NPTN: variants seen among roughly 807,000 people sequenced by gnomAD.
NPTN encodes SDR-1.
In NPTN, 5 loss-of-function variants were observed where a neutral mutation model predicts 42.7. That is an observed-to-expected ratio of 0.12 (90% confidence interval 0.06 to 0.25). NPTN has a LOEUF of 0.25. NPTN is among the 10% of genes least tolerant of loss of function. The pLI, the probability that NPTN is intolerant of heterozygous loss-of-function variation, is 1.00. For synonymous variants in NPTN, 180 were observed against 201.9 expected, an observed-to-expected ratio of 0.89 and a Z score of 0.92; for missense variants, 307 against 525.4, an observed-to-expected ratio of 0.58 and a Z score of 4.06.
chr15:73,592,742 G>C (rs1896652568), intron 2 of NPTN, among the ~76,000 whole-genome samples: 1 of 152,152 alleles, frequency 6.6e-6, no homozygotes, highest in Non-Finnish European at 1.5e-5. Context: ...TCTTGAGAAA[G>C]CATCATCAGT....
intron 2 of NPTN, 23 bp downstream of exon 2, chr15:73,596,999 C>G (rs746249523): frequency 6.4e-7 from 1 of 1,566,110 alleles, no homozygotes; most frequent in Non-Finnish European, 8.8e-7. Flanking sequence ...TACAGTACTA[C>G]TACTGTAGGG....
intron 4 of NPTN, among the ~76,000 whole-genome samples, chr15:73,584,074 C>G (rs1301488057): frequency 6.6e-6 from 1 of 152,204 alleles, no homozygotes; most frequent in Non-Finnish European, 1.5e-5. Context: ...CTGGCTCTCT[C>G]AGCAGCCAAA....
intron 1 of NPTN, among the ~76,000 whole-genome samples, chr15:73,611,620 C>T (rs925180998): frequency 1.3e-5 from 2 of 152,128 alleles, no homozygotes; most frequent in East Asian, 3.9e-4. Flanking sequence ...AGGTAGTACA[C>T]AGGGGATTTT....
chr15:73,606,430 C>G (rs931708537), intron 1 of NPTN, among the ~76,000 whole-genome samples: 7 of 152,164 alleles, frequency 4.6e-5, no homozygotes, highest in Non-Finnish European at 1.0e-4. Flanking sequence ...AGAGAAAAAG[C>G]TGGTTTTGCT....
intron 1 of NPTN, among the ~76,000 whole-genome samples, chr15:73,624,135 T>C (rs1370500250): frequency 1.3e-5 from 2 of 152,230 alleles, no homozygotes; most frequent in Non-Finnish European, 2.9e-5. Context: ...ATAGATTCTA[T>C]GTCTCTTCCA....
At chr15:73,603,153 G>T (rs948819947) in intron 1 of NPTN, among the ~76,000 whole-genome samples, 1 of 152,152 alleles carries the variant, frequency 6.6e-6, no homozygotes, top group Non-Finnish European at 1.5e-5. Context: ...TGTAAAACGG[G>T]ACTAATAATA....
At chr15:73,603,242 T>A (rs549115858) in intron 1 of NPTN, among the ~76,000 whole-genome samples, 33 of 152,304 alleles carry the variant, frequency 2.2e-4, no homozygotes, top group Middle Eastern at 3.4e-3. Flanking sequence ...TAGTAAGCAC[T>A]CAATAATGTT....
In NPTN at chr15:73,597,390, A is replaced by T. The variant is rs368027313; in HGVS notation, c.92-21T>A. On this transcript the variant is annotated intron_variant, in intron 1 of 8. Transcript: ENST00000345330. This position sits in a 1 kb window ranked among gnomAD's most constrained non-coding sequence, Gnocchi z 6.3. Reference sequence around the variant, plus strand: ...CCCAGCTAGAGGGAGGGGGAGCAGGAATGCAGTGACAGGCCAATCAGAAAA... The same window carrying T: ...CCCAGCTAGAGGGAGGGGGAGCAGGTATGCAGTGACAGGCCAATCAGAAAA... 52 of 1,575,340 alleles carry T rather than the reference A, an allele frequency of 3.3e-5. No individual in the cohort carries two copies. The highest frequency in any genetic ancestry group is 4.5e-5 in the Non-Finnish European group (52 of 1,148,112).
At chr15:73,580,799 T>G (rs558111495) in intron 4 of NPTN, among the ~76,000 whole-genome samples, 1 of 152,074 alleles carries the variant, frequency 6.6e-6, no homozygotes, top group African/African-American at 2.4e-5. Context: ...TGTCAGACTT[T>G]ACTCTGTATT....
chr15:73,566,000 T>C (rs1894976770), intron 6 of NPTN, among the ~76,000 whole-genome samples: 2 of 152,224 alleles, frequency 1.3e-5, no homozygotes, highest in South Asian at 4.1e-4. Flanking sequence ...TGCATTCATC[T>C]CACTAGAAGG....
At chr15:73,591,944 A>C (rs763714877) in intron 3 of NPTN, 22 bp downstream of exon 3, 1 of 1,594,510 alleles carries the variant, frequency 6.3e-7, no homozygotes, top group East Asian at 2.2e-5. Context: ...CCACCTTCCC[A>C]GGAGCTGCCC....
At chr15:73,568,623 T>C in intron 6 of NPTN, 4 of 985,336 alleles carry the variant, frequency 4.1e-6, no homozygotes, top group African/African-American at 1.7e-5. Flanking sequence ...GTACATGAAA[T>C]CCCAAAGAAA....
chr15:73,562,495 C>T lies in NPTN; in HGVS notation c.1137-525G>A, dbSNP rs549013482. 7.2e-5 allele frequency among the ~76,000 whole-genome samples: 11 copies of T among 152,284 alleles called. No homozygotes were observed. In the East Asian group the frequency reaches 2.1e-3, roughly 29 times the overall value. ...AACTTTTCTCCACTGAACACAACAC[C>T]ACTGTCCCTTCTTGATAAAAGGTAA... On this transcript the variant is annotated intron_variant, in intron 7 of 8. Transcript: ENST00000345330.
chr15:73,585,914 C>A (rs1896297413), intron 4 of NPTN, among the ~76,000 whole-genome samples: 1 of 152,228 alleles, frequency 6.6e-6, no homozygotes. Context: ...CTGGCAACTG[C>A]TGCTTCCTAC....
chr15:73,593,901 C>T (rs1896712593), intron 2 of NPTN, among the ~76,000 whole-genome samples: 1 of 152,062 alleles, frequency 6.6e-6, no homozygotes, highest in Admixed American at 6.6e-5. Flanking sequence ...CAGTGGTGTC[C>T]CATGGTTTCC....
At position 73,633,301 on chromosome 15, in the gene NPTN, G is replaced by A; in HGVS notation, c.-86C>T. 3 of 979,964 alleles carry A rather than the reference G, an allele frequency of 3.1e-6. No homozygotes were observed. Among genetic ancestry groups the A allele is most frequent in the South Asian group, 3.9e-5 (2 of 50,918 alleles). The allele number at this position is 979,964 out of a possible 1,614,324, so 60.7% of individuals were successfully genotyped here. A position where few individuals can be genotyped will look rare whatever the true frequency, so the allele number is the denominator to read the frequency against. ...GAGGGGAGGGAGGGAGGGGGCGGGC[G>A]AGTGCGCGAGGGAGTGAGCGAGGGA... is the stretch of plus-strand genomic sequence containing the variant. On this transcript the variant is annotated 5_prime_UTR_variant, in exon 1 of 9. Coordinates refer to ENST00000345330, the MANE Select transcript of NPTN (RefSeq NM_012428.4).
intron 1 of NPTN, among the ~76,000 whole-genome samples, chr15:73,604,537 C>G (rs1184348291): frequency 2.0e-5 from 3 of 152,170 alleles, no homozygotes; most frequent in Non-Finnish European, 4.4e-5. Context: ...AGGGGTCTTC[C>G]AGACCCTGAG....
chr15:73,568,162 T>A lies in NPTN; in HGVS notation c.1114+1988A>T, dbSNP rs566600369. 1.2e-4 allele frequency: 115 copies of A among 985,368 alleles called. 1 individual carries two copies. The African/African-American group carries it at 1.9e-3, about 16-fold the overall frequency. The allele number at this position is 985,368 out of a possible 1,614,324, so 61.0% of individuals were successfully genotyped here. A position where few individuals can be genotyped will look rare whatever the true frequency, so the allele number is the denominator to read the frequency against. ...TGTCTGCACTTATCCAACAGAACAA[T>A]CCTAACCATTTCTCAAATCTAACCT... is the stretch of plus-strand genomic sequence containing the variant. On this transcript the variant is annotated intron_variant, in intron 6 of 8. Transcript: ENST00000345330.
At chr15:73,567,926 A>C (rs1895128437) in intron 6 of NPTN, 1 of 985,282 alleles carries the variant, frequency 1.0e-6, no homozygotes, top group Non-Finnish European at 1.2e-6. Context: ...TAGAGCAAGG[A>C]GGTTTTACTT....
Sources: gnomAD v4.1 joint callset for allele counts (sites outside exome capture counted in the v4.1 genomes callset) on GRCh38, gnomAD v4.1.1 for gene constraint, Gnocchi (gnomAD v3.1) non-coding constraint, MANE v1.5 for transcripts, NCBI Gene and HGNC (gene_info 2026-07-23, HGNC 2026-07-21) for gene names.